BRINP3: variants seen among roughly 807,000 people sequenced by gnomAD.
BRINP3 encodes the protein BMP/retinoic acid inducible neural specific 3.
In BRINP3, 19 loss-of-function variants were observed where a neutral mutation model predicts 71.0. That is an observed-to-expected ratio of 0.27 (90% CI 0.19 to 0.39). The LOEUF (loss-of-function observed/expected upper bound fraction) is 0.39, where lower values mean the gene tolerates loss of function less well. Ranked by LOEUF, BRINP3 falls within the 10% of genes least tolerant of loss-of-function variation. The pLI, the probability that BRINP3 is intolerant of heterozygous loss-of-function variation, is 1.00. For missense variants in BRINP3, 959 were observed against 940.8 expected, an observed-to-expected ratio of 1.02 and a Z score of -0.25; for synonymous variants, 380 against 337.7, an observed-to-expected ratio of 1.13 and a Z score of -1.37.
At chr1:190,393,590 G>C (rs1458181780) in intron 2 of BRINP3, among the ~76,000 whole-genome samples, 2 of 151,426 alleles carry the variant, frequency 1.3e-5, no homozygotes, top group Non-Finnish European at 3.0e-5. Context: ...ATAAACATTA[G>C]AAAACTTTAG....
chr1:190,452,504 A>G (rs1008988875), intron 2 of BRINP3, among the ~76,000 whole-genome samples: 2 of 152,204 alleles, frequency 1.3e-5, no homozygotes, highest in African/African-American at 2.4e-5. Flanking sequence ...ACTTTTGTTC[A>G]TTACCTTTAA....
intron 2 of BRINP3, among the ~76,000 whole-genome samples, chr1:190,307,478 T>G (rs1665198523): frequency 1.3e-5 from 2 of 151,696 alleles, no homozygotes; most frequent in African/African-American, 4.8e-5. Flanking sequence ...AAGGCAAATC[T>G]AAGAAAAGTC....
intron 2 of BRINP3, among the ~76,000 whole-genome samples, chr1:190,308,364 T>C (rs903893678): frequency 1.3e-5 from 2 of 151,844 alleles, no homozygotes; most frequent in African/African-American, 4.8e-5. Flanking sequence ...TAAGTATTGT[T>C]GTTCTTGCGA....
Position 190,297,119 on chromosome 1 carries a change from C to A in BRINP3, c.237-15369G>T, listed in dbSNP as rs189044374. 8.1e-4 allele frequency among the ~76,000 whole-genome samples: 123 copies of A among 151,900 alleles called. 1 individual carries two copies. The highest frequency in any genetic ancestry group is 1.0e-3 in the Admixed American group (16 of 15,262). On this transcript the variant is annotated intron_variant, in intron 2 of 7. Coordinates refer to ENST00000367462, the MANE Select transcript of BRINP3 (RefSeq NM_199051.3). ...TGAAACAATATTAAAAAAACCCCAG[C>A]AAACCTAGAGACTTTATACCTCCTG...
intron 2 of BRINP3, among the ~76,000 whole-genome samples, chr1:190,454,448 A>T (rs1356825454): frequency 1.3e-5 from 2 of 152,218 alleles, no homozygotes; most frequent in Non-Finnish European, 2.9e-5. Context: ...GTGATAGACA[A>T]GTGGTCACCA....
chr1:190,141,460 C>T (rs985300583), intron 7 of BRINP3, among the ~76,000 whole-genome samples: 6 of 151,468 alleles, frequency 4.0e-5, no homozygotes, highest in Non-Finnish European at 7.4e-5. Context: ...ATTAACACCA[C>T]AATTTTATAA....
At chr1:190,439,308 A>G (rs2102548195) in intron 2 of BRINP3, among the ~76,000 whole-genome samples, 1 of 152,042 alleles carries the variant, frequency 6.6e-6, no homozygotes, top group African/African-American at 2.4e-5. Context: ...GAAACTGGGT[A>G]TATTAATTAA....
chr1:190,441,922 G>A lies in BRINP3; in HGVS notation c.236+12733C>T, dbSNP rs181803523. Among the ~76,000 whole-genome samples the A allele has an allele frequency of 1.6e-4, 25 of 152,132 alleles. No homozygotes were observed. The East Asian group carries it at 4.8e-3, about 29-fold the overall frequency. ...CAGTAATTTGAAACATTTAAAGAAT[G>A]GTTAGATGATCACTTGACAGTTATG... On this transcript the variant is annotated intron_variant, in intron 2 of 7. Coordinates refer to ENST00000367462, the MANE Select transcript of BRINP3 (RefSeq NM_199051.3).
At chr1:190,242,964 C>T (rs1659249330) in intron 4 of BRINP3, among the ~76,000 whole-genome samples, 1 of 152,052 alleles carries the variant, frequency 6.6e-6, no homozygotes, top group Non-Finnish European at 1.5e-5. Flanking sequence ...TGAGGCCAGG[C>T]ACGACTACAA....
Position 190,098,806 on chromosome 1 carries a change from C to A in BRINP3, c.1513G>T (p.Asp505Tyr). The A allele has an allele frequency of 1.9e-6, 3 of 1,614,196 alleles. No homozygotes were observed. Among genetic ancestry groups the A allele is most frequent in the Non-Finnish European group, 2.5e-6 (3 of 1,180,042 alleles). The change falls in exon 8 of 8, where the codon GAC becomes TAC. Residue 505 changes from aspartate (D) to tyrosine (Y), a missense_variant. By Grantham distance (160) the Asp-to-Tyr change is radical. Coordinates refer to ENST00000367462, the MANE Select transcript of BRINP3 (RefSeq NM_199051.3). ...LEMKYLLQKT[D>Y]RRIEVHAIFI... ...ATGGCATGGACTTCTATTCGTCTGT[C>A]CGTTTTCTGCAGCAGATATTTCATC...
intron 1 of BRINP3, among the ~76,000 whole-genome samples, chr1:190,472,009 T>TA (rs35632039): frequency 1.1e-4 from 17 of 151,414 alleles, no homozygotes; most frequent in East Asian, 7.7e-4. Context: ...ATACTAGCAT[T>TA]AAAAAAAAGT....
In BRINP3 at chr1:190,098,964, C is replaced by T. The variant is rs756309289; in HGVS notation, c.1355G>A (p.Cys452Tyr). The part of the protein sequence containing the change: ...TVGDASACLT[C>Y]APDNRTRCGT... ...GCAGCGGGTGCGGTTGTCTGGTGCG[C>T]ATGTCAGGCAGGCAGAGGCGTCTCC... Residue 452 changes from cysteine to tyrosine, a missense_variant, in exon 8 of 8, where the codon TGC becomes TAC. Cys to Tyr is a radical substitution (Grantham distance 194). Transcript: ENST00000367462. 3 of 1,614,168 alleles carry T rather than the reference C, an allele frequency of 1.9e-6. No homozygotes were observed. The highest frequency in any genetic ancestry group is 2.5e-6 in the Non-Finnish European group (3 of 1,180,040).
chr1:190,310,440 T>C (rs915649098), intron 2 of BRINP3, among the ~76,000 whole-genome samples: 5 of 151,750 alleles, frequency 3.3e-5, no homozygotes, highest in Non-Finnish European at 5.9e-5. Context: ...CTAAGGCTAA[T>C]ATGTTTTTAT....
chr1:190,293,314 G>T (rs934226447), intron 2 of BRINP3, among the ~76,000 whole-genome samples: 1 of 151,858 alleles, frequency 6.6e-6, no homozygotes, highest in Admixed American at 6.6e-5. Context: ...TTATTCCCAT[G>T]TATTTGTACA....
At chr1:190,205,757 G>A (rs566826601) in intron 6 of BRINP3, among the ~76,000 whole-genome samples, 1 of 152,032 alleles carries the variant, frequency 6.6e-6, no homozygotes, top group East Asian at 1.9e-4. Context: ...TACAAAGATA[G>A]TCCTTTTCTT....
chr1:190,264,951 G>A lies in BRINP3; in HGVS notation c.532C>T (p.His178Tyr), dbSNP rs775664699. ...NSSSVTLETL[H>Y]QLAASYFIDR... ...ATGAAATAAGAAGCGGCTAGCTGAT[G>A]TAGCGTCTCCAGAGTGACCGAAGAG... The change falls in exon 4 of 8, where the codon CAT becomes TAT. Residue 178 changes from histidine (H) to tyrosine (Y), a missense_variant. His to Tyr is a moderately conservative substitution (Grantham distance 83). Coordinates refer to ENST00000367462, the MANE Select transcript of BRINP3 (RefSeq NM_199051.3). 1.9e-6 allele frequency: 3 copies of A among 1,613,522 alleles called. No homozygotes were observed. Among genetic ancestry groups the A allele is most frequent in the African/African-American group, 1.3e-5 (1 of 74,874 alleles).
chr1:190,145,565 C>T (rs1180838834), intron 7 of BRINP3, among the ~76,000 whole-genome samples: 2 of 152,084 alleles, frequency 1.3e-5, no homozygotes, highest in Non-Finnish European at 2.9e-5. Flanking sequence ...TGCATGTCAA[C>T]AATTTCACTT....
intron 2 of BRINP3, among the ~76,000 whole-genome samples, chr1:190,364,604 T>C (rs988920991): frequency 9.9e-5 from 15 of 151,950 alleles, no homozygotes; most frequent in Admixed American, 7.9e-4. Flanking sequence ...TATAACAAGC[T>C]ATATTAAATA....
At position 190,363,156 on chromosome 1, in the gene BRINP3, C is replaced by T. The variant is rs980961628; in HGVS notation, c.237-81406G>A. Among the ~76,000 whole-genome samples the T allele has an allele frequency of 2.0e-5, 3 of 152,218 alleles. No individual in the cohort carries two copies. The South Asian group carries it at 6.2e-4, about 32-fold the overall frequency. On this transcript the variant is annotated intron_variant, in intron 2 of 7. Coordinates refer to ENST00000367462, the MANE Select transcript of BRINP3 (RefSeq NM_199051.3). Reference sequence around the variant, plus strand: ...ATTGGGATAGTCACATGGCAGGGAACTACGAGTGGCCCTGGAGGAGCTAAG... The same window carrying T: ...ATTGGGATAGTCACATGGCAGGGAATTACGAGTGGCCCTGGAGGAGCTAAG...
Sources: allele counts gnomAD v4.1 joint callset (sites outside exome capture counted in the v4.1 genomes callset), GRCh38; gene constraint gnomAD v4.1.1; transcripts MANE v1.5; gene names NCBI Gene and HGNC (gene_info 2026-07-23, HGNC 2026-07-21).